The following PNPLA1 variants were observed in gnomAD, a reference collection of about 807,000 sequenced individuals.
The protein encoded by PNPLA1 is patatin like domain 1, omega-hydroxyceramide transacylase, also known as omega-hydroxyceramide transacylase.
Under a neutral mutation model 51.7 loss-of-function variants are expected in PNPLA1, and 36 were observed. The observed-to-expected ratio is 0.70, with a 90% CI of 0.53 to 0.92. PNPLA1 has a LOEUF of 0.92. Among genes scored for constraint, PNPLA1 ranks in the 40% least tolerant of loss-of-function variants. PNPLA1 has a pLI of 0.00. For missense variants in PNPLA1, 658 were observed against 682.5 expected, an observed-to-expected ratio of 0.96 and a Z score of 0.40; for synonymous variants, 293 against 280.1, an observed-to-expected ratio of 1.05 and a Z score of -0.46.
At chr6:36,308,747 T>C (rs999334303) in intron 8 of PNPLA1, among the ~76,000 whole-genome samples, 2 of 152,204 alleles carry the variant, frequency 1.3e-5, no homozygotes, top group African/African-American at 2.4e-5. Context: ...CATGCATGTA[T>C]ACAAACAGAC....
chr6:36,252,196 C>T (rs868315156), intron 1 of PNPLA1, among the ~76,000 whole-genome samples: 1 of 152,122 alleles, frequency 6.6e-6, no homozygotes, highest in African/African-American at 2.4e-5. Context: ...CCCAGCCTCC[C>T]CTGCAGCTCA....
chr6:36,260,688 CA>C (rs1173797182), intron 1 of PNPLA1, among the ~76,000 whole-genome samples: 3 of 152,208 alleles, frequency 2.0e-5, no homozygotes, highest in Non-Finnish European at 2.9e-5. Context: ...GCATATTATA[CA>C]CCCTCTTCTG....
rs1432947347 is a variant in PNPLA1 at position 36,291,379 on chromosome 6, C to T, written c.265C>T (p.Pro89Ser). The change falls in exon 2 of 9, where the codon CCC becomes TCC. Residue 89 changes from proline (P) to serine (S), a missense_variant. Transcript: ENST00000636260. ...VAEVKKSFLG[P>S]LSPSCKMVQM... ...CGAGGTGAAGAAATCCTTCCTGGGG[C>T]CCTTGTCCCCGTCCTGTAAGATGGT... is the stretch of plus-strand genomic sequence containing the variant. 2 of 1,614,192 alleles carry T rather than the reference C, an allele frequency of 1.2e-6. No individual in the cohort carries two copies. The highest frequency in any genetic ancestry group is 3.3e-5 in the Admixed American group (2 of 60,026).
intron 6 of PNPLA1, among the ~76,000 whole-genome samples, chr6:36,305,810 G>A (rs1012124418): frequency 1.1e-4 from 14 of 128,090 alleles, no homozygotes; most frequent in Non-Finnish European, 2.0e-4. Context: ...GGAGGAGACA[G>A]TATCTCACTC....
chr6:36,285,785 A>T (rs571595030), intron 1 of PNPLA1, among the ~76,000 whole-genome samples: 1 of 152,264 alleles, frequency 6.6e-6, no homozygotes, highest in East Asian at 1.9e-4. Context: ...AAATAAACGC[A>T]TGTACAATTA....
chr6:36,261,516 G>T (rs768219465), intron 1 of PNPLA1, among the ~76,000 whole-genome samples: 1 of 152,208 alleles, frequency 6.6e-6, no homozygotes, highest in Non-Finnish European at 1.5e-5. Context: ...AACAAGTTAG[G>T]TTACAATTCA....
chr6:36,253,481 T>C (rs916430502), intron 1 of PNPLA1, among the ~76,000 whole-genome samples: 1 of 152,178 alleles, frequency 6.6e-6, no homozygotes, highest in African/African-American at 2.4e-5. Flanking sequence ...TTATAATTCT[T>C]GATAATTTTT....
intron 1 of PNPLA1, among the ~76,000 whole-genome samples, chr6:36,284,783 C>G (rs909893661): frequency 6.6e-6 from 1 of 152,136 alleles, no homozygotes; most frequent in Non-Finnish European, 1.5e-5. Flanking sequence ...CTCAGAACAG[C>G]CTCAACCCAG....
chr6:36,291,666 C>T lies in PNPLA1; in HGVS notation c.438+114C>T. 5 of 852,318 alleles carry T rather than the reference C, an allele frequency of 5.9e-6. No homozygotes were observed. The South Asian group carries it at 8.3e-5, about 14-fold the overall frequency. 52.8% of individuals were successfully genotyped at this position (852,318 alleles called of 1,614,324 possible). A position where few individuals can be genotyped will look rare whatever the true frequency, so the allele number is the denominator to read the frequency against. The stretch of plus-strand genomic sequence containing the variant: ...ATCCACCTGCCTCACTTCCCTAGTC[C>T]TTCCCTTCCTTCATGCCCCCAGAGT... On this transcript the variant is annotated intron_variant, in intron 2 of 8. Transcript: ENST00000636260.
chr6:36,312,831 T>C lies in PNPLA1; in HGVS notation c.*945T>C, dbSNP rs1771436279. ...CAGCACTGATCGGCACTCATGGACC[T>C]TCCTCTCAACCTTGGCCTGAGCTTG... On this transcript the variant is annotated 3_prime_UTR_variant, in exon 9 of 9. Transcript: ENST00000636260. 6.6e-6 allele frequency among the ~76,000 whole-genome samples: 1 copy of C among 152,206 alleles called. No individual in the cohort carries two copies.
rs555485654 is a variant in PNPLA1 at position 36,264,522 on chromosome 6, G to A, written c.-81+21261G>A. Among the ~76,000 whole-genome samples the A allele has an allele frequency of 2.6e-4, 40 of 152,268 alleles. No individual in the cohort carries two copies. In the South Asian group the frequency reaches 7.9e-3, roughly 30 times the overall value. Reference sequence around the variant, plus strand: ...AATATACTGAAAGTATAAAAAACATGGAAGGGAAAGAGTCCCTTCAACCTG... The same window carrying A: ...AATATACTGAAAGTATAAAAAACATAGAAGGGAAAGAGTCCCTTCAACCTG... On this transcript the variant is annotated intron_variant, in intron 1 of 7. Coordinates refer to the PNPLA1 transcript ENST00000312917.
At position 36,294,199 on chromosome 6, in the gene PNPLA1, G is replaced by A. The variant is rs373148099; in HGVS notation, c.514G>A (p.Asp172Asn). ...PPTYRGVRYI[D>N]GGFTGMQPCA... is the part of the protein sequence containing the mutation. Reference sequence around the variant, plus strand: ...CACTCTGCCCCCACAGAGGTACATCGATGGGGGCTTCACGGGCATGCAGCC... The same window carrying A: ...CACTCTGCCCCCACAGAGGTACATCAATGGGGGCTTCACGGGCATGCAGCC... The change falls in exon 4 of 9, where the codon GAT becomes AAT. Residue 172 changes from aspartate (D) to asparagine (N), a missense_variant. Asp to Asn is a conservative substitution (Grantham distance 23). Coordinates refer to ENST00000636260, the MANE Select transcript of PNPLA1 (RefSeq NM_001374623.1). This position sits in a 1 kb window ranked among gnomAD's most constrained non-coding sequence, Gnocchi z 4.2. 8.7e-6 allele frequency: 14 copies of A among 1,613,980 alleles called. No homozygotes were observed. Among genetic ancestry groups the A allele is most frequent in the Admixed American group, 6.7e-5 (4 of 60,002 alleles).
chr6:36,299,528 G>T (rs1172314654), intron 5 of PNPLA1, among the ~76,000 whole-genome samples: 4 of 151,944 alleles, frequency 2.6e-5, no homozygotes, highest in African/African-American at 7.3e-5. Flanking sequence ...TAGAGACGGG[G>T]TTTCGCCATG....
At chr6:36,248,188 G>A (rs1327134403) in intron 1 of PNPLA1, among the ~76,000 whole-genome samples, 1 of 152,170 alleles carries the variant, frequency 6.6e-6, no homozygotes, top group South Asian at 2.1e-4. Flanking sequence ...GTGGGAGGAA[G>A]GGAGGTGATT....
At chr6:36,286,649 C>T (rs186600007) in intron 1 of PNPLA1, among the ~76,000 whole-genome samples, 25 of 152,124 alleles carry the variant, frequency 1.6e-4, no homozygotes, top group African/African-American at 6.0e-4. Flanking sequence ...TTCCAAGTGC[C>T]GTTCAAAAAT....
chr6:36,252,025 G>A (rs1769430464), intron 1 of PNPLA1, among the ~76,000 whole-genome samples: 2 of 152,246 alleles, frequency 1.3e-5, no homozygotes, highest in Non-Finnish European at 2.9e-5. Flanking sequence ...AATAGCGGCA[G>A]TGTCAGGAAT....
chr6:36,252,536 A>G (rs1769442984), intron 1 of PNPLA1, among the ~76,000 whole-genome samples: 2 of 53,862 alleles, frequency 3.7e-5, no homozygotes, highest in Admixed American at 2.5e-4. Flanking sequence ...ACATGGCAAA[A>G]GGGGTCAAAA....
intron 1 of PNPLA1, among the ~76,000 whole-genome samples, chr6:36,261,996 A>G (rs2127318736): frequency 6.6e-6 from 1 of 152,302 alleles, no homozygotes; most frequent in Admixed American, 6.5e-5. Context: ...TCCTAGGATG[A>G]GCACGGCTTT....
chr6:36,297,573 G>A (rs545871949), intron 5 of PNPLA1, among the ~76,000 whole-genome samples: 101 of 152,156 alleles, frequency 6.6e-4, no homozygotes, highest in Non-Finnish European at 8.1e-4. Flanking sequence ...TCCCTCCCAA[G>A]GGAGGAGAAT....
Sources: allele counts gnomAD v4.1 joint callset (sites outside exome capture counted in the v4.1 genomes callset), GRCh38; gene constraint gnomAD v4.1.1; non-coding constraint Gnocchi (gnomAD v3.1); transcripts MANE v1.5; gene names NCBI Gene and HGNC (gene_info 2026-07-23, HGNC 2026-07-21).